RNASEL: variants seen among roughly 807,000 people sequenced by gnomAD.
The protein encoded by RNASEL is ribonuclease L.
RNASEL carries 36 observed loss-of-function variants against 50.9 expected under a neutral mutation model. The ratio of observed to expected loss-of-function variants is 0.71; its 90% CI spans 0.54 to 0.93. The LOEUF is 0.93. RNASEL is among the 40% of genes least tolerant of loss of function. The probability of loss-of-function intolerance (pLI) is 0.00; values close to 1 mark genes in which losing one functional copy is unlikely to be tolerated. For synonymous variants in RNASEL, 335 were observed against 335.6 expected, an observed-to-expected ratio of 1.00 and a Z score of 0.02; for missense variants, 860 against 894.5, an observed-to-expected ratio of 0.96 and a Z score of 0.49.
At chr1:182,587,576 T>C (rs1307253454) in intron 1 of RNASEL, among the ~76,000 whole-genome samples, 1 of 147,018 alleles carries the variant, frequency 6.8e-6, no homozygotes, top group Non-Finnish European at 1.5e-5. Context: ...TTGCTTTCAA[T>C]GTCATATAAA....
intron 3 of RNASEL, among the ~76,000 whole-genome samples, chr1:182,583,844 C>T (rs985522327): frequency 2.6e-5 from 4 of 152,090 alleles, no homozygotes; most frequent in Non-Finnish European, 5.9e-5. Flanking sequence ...TGTCGGCTTC[C>T]CTACTTTTGA....
At chr1:182,582,288 A>G in intron 3 of RNASEL, 30 bp from the exon 4 acceptor site, 1 of 1,612,888 alleles carries the variant, frequency 6.2e-7, no homozygotes, top group Non-Finnish European at 8.5e-7. Context: ...CAAGCCAAAG[A>G]TGCTTACTAA....
Position 182,582,019 on chromosome 1 carries a change from G to C in RNASEL, c.1772+34C>G, listed in dbSNP as rs746832341. On this transcript the variant is annotated intron_variant, in intron 4 of 6. Coordinates refer to ENST00000367559, the MANE Select transcript of RNASEL (RefSeq NM_021133.4). ...GCACCACCTTACCCTTTCCATCCTG[G>C]AGGCCTGTGGCATCTGCACAAAGTT... 6 of 1,587,158 alleles carry C rather than the reference G, an allele frequency of 3.8e-6. No homozygotes were observed. In the African/African-American group the frequency reaches 8.1e-5, roughly 21 times the overall value.
chr1:182,578,840 G>C (rs1159958527), intron 5 of RNASEL: 1 of 152,142 alleles, frequency 6.6e-6, no homozygotes, highest in African/African-American at 2.4e-5. Flanking sequence ...ATCCACCTAA[G>C]TGTCCATCAA....
chr1:182,581,562 AC>A (rs1445849066), intron 4 of RNASEL, among the ~76,000 whole-genome samples: 1 of 133,464 alleles, frequency 7.5e-6, no homozygotes, highest in Non-Finnish European at 1.5e-5. Context: ...GCTCACTGCA[AC>A]CTCCACCTCC....
chr1:182,587,388 G>T (rs1661620879), intron 1 of RNASEL, among the ~76,000 whole-genome samples: 1 of 151,776 alleles, frequency 6.6e-6, no homozygotes, highest in Non-Finnish European at 1.5e-5. Context: ...AAGTTTTAAA[G>T]GGTTTTTTAA....
At chr1:182,582,536 T>C (rs1180875292) in intron 3 of RNASEL, among the ~76,000 whole-genome samples, 1 of 152,152 alleles carries the variant, frequency 6.6e-6, no homozygotes, top group African/African-American at 2.4e-5. Flanking sequence ...GGGCCTCAAA[T>C]GTATGGACAG....
chr1:182,576,182 T>C (rs1661374411), intron 6 of RNASEL, 74 bp downstream of exon 6: 3 of 1,491,546 alleles, frequency 2.0e-6, no homozygotes, highest in Admixed American at 1.8e-5. Flanking sequence ...CCATCGTAGA[T>C]ATAAACTTAG....
intron 1 of RNASEL, among the ~76,000 whole-genome samples, chr1:182,587,318 T>C (rs1661619789): frequency 6.6e-6 from 1 of 152,144 alleles, no homozygotes; most frequent in African/African-American, 2.4e-5. Context: ...TTTTCATGAC[T>C]ATGTAATATG....
Position 182,586,099 on chromosome 1 carries a change from T to C in RNASEL, c.708A>G (p.Gly236=), listed in dbSNP as rs2102371254. The change falls in exon 2 of 7, where the codon GGA becomes GGG. Residue 236 remains glycine (G), a synonymous_variant. Coordinates refer to ENST00000367559, the MANE Select transcript of RNASEL (RefSeq NM_021133.4). The part of the protein sequence containing the change: ...LDHGADVNVR[G]ERGKTPLILA... ...GGATCAGGGGAGTCTTCCCTCTTTCTCCCCTCACATTGACATCAGCCCCAT... is the reference window on the plus strand; with the variant it reads ...GGATCAGGGGAGTCTTCCCTCTTTCCCCCCTCACATTGACATCAGCCCCAT... 1 of 1,614,020 alleles carries C rather than the reference T, an allele frequency of 6.2e-7. No individual in the cohort carries two copies. The highest frequency in any genetic ancestry group is 8.5e-7 in the Non-Finnish European group (1 of 1,180,006).
rs1661505900 is a variant in RNASEL at position 182,582,038 on chromosome 1, C to A, written c.1772+15G>T. ...ATCCTGGAGGCCTGTGGCATCTGCA[C>A]AAAGTTTTACTTACCTCTCCCAAGT... is the stretch of plus-strand genomic sequence containing the variant. On this transcript the variant is annotated intron_variant, in intron 4 of 6. Transcript: ENST00000367559. The A allele has an allele frequency of 6.2e-7, 1 of 1,613,286 alleles. No individual in the cohort carries two copies. Among genetic ancestry groups the A allele is most frequent in the Admixed American group, 1.7e-5 (1 of 60,000 alleles).
At chr1:182,588,583 T>C (rs550186879) in intron 1 of RNASEL, among the ~76,000 whole-genome samples, 7 of 152,326 alleles carry the variant, frequency 4.6e-5, no homozygotes, top group Non-Finnish European at 1.0e-4. Flanking sequence ...CCTGAATATT[T>C]AAATAACTGC....
Position 182,586,529 on chromosome 1 carries a change from G to GCCC in RNASEL, c.275_277dup (p.Gly92dup). ...AATCGCTGCGAGGATAAAAGGCGTG[G>GCCC]CCCCATTCTTCTTCCTCAGAACAGG... On this transcript the variant is annotated inframe_insertion, in exon 2 of 7. Transcript: ENST00000367559. 1 of 1,609,368 alleles carries GCCC rather than the reference G, an allele frequency of 6.2e-7. No homozygotes were observed. The highest frequency in any genetic ancestry group is 8.5e-7 in the Non-Finnish European group (1 of 1,176,762).
At position 182,575,231 on chromosome 1, in the gene RNASEL, T is replaced by C; in HGVS notation, c.*161A>G. ...GTGTAGTCTGGGTATATATTGCTTT[T>C]GTTATAGACATATGGAATACACGAT... is the stretch of plus-strand genomic sequence containing the variant. On this transcript the variant is annotated 3_prime_UTR_variant, in exon 7 of 7. Transcript: ENST00000367559. 1.4e-6 allele frequency: 1 copy of C among 705,536 alleles called. No homozygotes were observed. Among genetic ancestry groups the C allele is most frequent in the Non-Finnish European group, 2.5e-6 (1 of 398,024 alleles). 43.7% of individuals were successfully genotyped at this position (705,536 alleles called of 1,614,324 possible). A position where few individuals can be genotyped will look rare whatever the true frequency, so the allele number is the denominator to read the frequency against.
intron 4 of RNASEL, 41 bp downstream of exon 4, chr1:182,582,012 C>T (rs1661505140): frequency 1.3e-6 from 2 of 1,574,670 alleles, no homozygotes; most frequent in African/African-American, 1.4e-5. Context: ...TTACCCTTTC[C>T]ATCCTGGAGG....
At chr1:182,577,982 A>G (rs956472408) in intron 5 of RNASEL, 21 of 152,182 alleles carry the variant, frequency 1.4e-4, no homozygotes, top group African/African-American at 4.8e-4. Flanking sequence ...ACAAAAATCA[A>G]CTCAAGATGG....
chr1:182,586,253 TTCAAGACC>T lies in RNASEL; in HGVS notation c.546_553del (p.Val183AspfsTer4). ...TGCCCCCATCTCATCAAGGAGAATC[TTCAAGACC>T]TCTACGTGTCCTTTTTCAGCAGCGT... On this transcript the variant is annotated frameshift_variant, in exon 2 of 7. Coordinates refer to ENST00000367559, the MANE Select transcript of RNASEL (RefSeq NM_021133.4). LOFTEE classifies it high-confidence loss of function. 6.2e-7 allele frequency: 1 copy of T among 1,614,200 alleles called. No individual in the cohort carries two copies. The highest frequency in any genetic ancestry group is 8.5e-7 in the Non-Finnish European group (1 of 1,180,024).
rs559367052 is a variant in RNASEL, at chr1:182,584,566, A to T, written c.1481-400T>A. ...ACTCTGCTTAGACCTTTCAGGCAAG[A>T]ACAGCCTTTCCTGAGCACCTATGAT... On this transcript the variant is annotated intron_variant, in intron 2 of 6. Coordinates refer to ENST00000367559, the MANE Select transcript of RNASEL (RefSeq NM_021133.4). Among the ~76,000 whole-genome samples, 242 of 152,304 alleles carry T rather than the reference A, an allele frequency of 1.6e-3. No individual in the cohort carries two copies. The Middle Eastern group carries it at 0.02, about 13-fold the overall frequency.
In RNASEL at chr1:182,581,297, T is replaced by G. The variant is rs376567380; in HGVS notation, c.1833A>C (p.Glu611Asp). The G allele has an allele frequency of 2.3e-5, 37 of 1,614,028 alleles. No homozygotes were observed. In the African/African-American group the frequency reaches 4.3e-4, roughly 19 times the overall value. ...NESDIKTRKS[E>D]SEILRLLQPG... ...GTTGCAGTAGTCTGAGGATCTCACT[T>G]TCAGATTTTCGTGTTTTGATGTCGG... The change falls in exon 5 of 7, where the codon GAA becomes GAC. Residue 611 changes from glutamate to aspartate, a missense_variant. Physicochemically the swap from Glu to Asp is conservative, Grantham distance 45. Transcript: ENST00000367559.
Sources: allele counts gnomAD v4.1 joint callset (sites outside exome capture counted in the v4.1 genomes callset), GRCh38; gene constraint gnomAD v4.1.1; transcripts MANE v1.5; gene names NCBI Gene and HGNC (gene_info 2026-07-23, HGNC 2026-07-21).